The following NPAS2 variants were observed in gnomAD, a reference collection of about 807,000 sequenced individuals.
NPAS2 encodes neuronal PAS domain-containing protein 2.
In NPAS2, 23 loss-of-function variants were observed where a neutral mutation model predicts 107.5. The ratio of observed to expected loss-of-function variants is 0.21; its 90% CI spans 0.15 to 0.30. The LOEUF is 0.30. Ranked by LOEUF, NPAS2 falls within the 10% of genes least tolerant of loss-of-function variation. NPAS2 has a pLI of 1.00. For synonymous variants in NPAS2, 403 were observed against 417.5 expected (o/e 0.97, Z 0.42); for missense variants, 756 against 1,043.3 (o/e 0.72, Z 3.79).
intron 1 of NPAS2, among the ~76,000 whole-genome samples, chr2:100,843,217 CAA>C (rs67274513): frequency 2.1e-5 from 3 of 141,530 alleles, no homozygotes; most frequent in African/African-American, 5.2e-5. Context: ...GACTCTGTCT[CAA>C]AAAAAAAAAA....
At chr2:100,821,733 A>G (rs1676085687) in intron 1 of NPAS2, among the ~76,000 whole-genome samples, 1 of 152,198 alleles carries the variant, frequency 6.6e-6, no homozygotes, top group Admixed American at 6.5e-5. Flanking sequence ...GGCACTGTTC[A>G]CATTCAAGCG....
intron 16 of NPAS2, chr2:100,983,837 C>A (rs1677618044): frequency 6.6e-6 from 1 of 152,194 alleles, no homozygotes; most frequent in Non-Finnish European, 1.5e-5. Flanking sequence ...GACTGGGAGC[C>A]CAATGCTTGC....
intron 1 of NPAS2, among the ~76,000 whole-genome samples, chr2:100,836,676 G>T (rs571997832): frequency 1.3e-5 from 2 of 152,114 alleles, no homozygotes; most frequent in Non-Finnish European, 2.9e-5. Flanking sequence ...TCTTTCTTCC[G>T]TACGCACGGA....
chr2:100,945,523 G>A (rs1225140426), intron 5 of NPAS2, among the ~76,000 whole-genome samples: 1 of 152,166 alleles, frequency 6.6e-6, no homozygotes, highest in East Asian at 1.9e-4. Flanking sequence ...TCTTTAAAAT[G>A]CACGAGCAGT....
intron 10 of NPAS2, among the ~76,000 whole-genome samples, chr2:100,967,659 T>TTCTGC (rs1676303937): frequency 6.6e-6 from 1 of 152,182 alleles, no homozygotes; most frequent in African/African-American, 2.4e-5. Flanking sequence ...TAGTCCATCT[T>TTCTGC]TCTGCCCTGC....
chr2:100,895,932 C>A lies in NPAS2; in HGVS notation c.-22-8801C>A, dbSNP rs139330113. On this transcript the variant is annotated intron_variant, in intron 1 of 20. Transcript: ENST00000335681. ...TCCATTTCTGTTTCACCCCTGGTGA[C>A]CTCCTTACTGTGCAGAGAATGTGTT... 1.2e-4 allele frequency among the ~76,000 whole-genome samples: 18 copies of A among 152,320 alleles called. No homozygotes were observed. In the East Asian group the frequency reaches 2.7e-3, roughly 23 times the overall value.
chr2:100,975,749 A>G (rs1236343963), intron 14 of NPAS2, 182 bp downstream of exon 14: 5 of 509,498 alleles, frequency 9.8e-6, no homozygotes, highest in Non-Finnish European at 1.0e-5. Context: ...AAACATTTGC[A>G]TGACAAAATT....
chr2:100,831,038 G>T (rs1239059317), intron 1 of NPAS2, among the ~76,000 whole-genome samples: 1 of 152,176 alleles, frequency 6.6e-6, no homozygotes, highest in Non-Finnish European at 1.5e-5. Flanking sequence ...AGTGGCTCAT[G>T]CCTGTAATCC....
upstream of NPAS2, among the ~76,000 whole-genome samples, chr2:100,819,759 C>T (rs1675939842): frequency 1.3e-5 from 2 of 151,192 alleles, no homozygotes; most frequent in Non-Finnish European, 2.9e-5. This position sits in a 1 kb window ranked among gnomAD's most constrained non-coding sequence, Gnocchi z 5.8. Context: ...GTCCACTTGC[C>T]TCTCCTCTGG....
At chr2:100,888,402 G>A (rs191828834) in intron 1 of NPAS2, among the ~76,000 whole-genome samples, 1 of 152,126 alleles carries the variant, frequency 6.6e-6, no homozygotes, top group Admixed American at 6.6e-5. Flanking sequence ...AGATGCGCTA[G>A]TAGGGTAGAA....
intron 2 of NPAS2, among the ~76,000 whole-genome samples, chr2:100,905,594 C>G (rs977125342): frequency 3.3e-5 from 5 of 152,094 alleles, no homozygotes; most frequent in South Asian, 2.1e-4. Flanking sequence ...GAGGCCCAGC[C>G]ACGAGCCTTG....
At chr2:100,979,518 T>A (rs1677297900) in intron 15 of NPAS2, among the ~76,000 whole-genome samples, 1 of 132,312 alleles carries the variant, frequency 7.6e-6, no homozygotes, top group African/African-American at 2.9e-5. Flanking sequence ...TTTTTTTTTT[T>A]TTTTTTTTTT....
At position 100,964,939 on chromosome 2, in the gene NPAS2, C is replaced by A; in HGVS notation, c.796C>A (p.His266Asn). Residue 266 changes from histidine to asparagine, a missense_variant, in exon 9 of 21, where the codon CAC becomes AAC. By Grantham distance (68) the His-to-Asn change is moderately conservative (BLOSUM62 1). Around this residue, in one of 4 missense-constraint regions of NPAS2, gnomAD observed 84 missense variants for 175.5 expected, o/e 0.48. Transcript: ENST00000335681. ...GGAATGGAAATTTTTATTTCTGGAT[C>A]ACAGGTTTGAGAAAAGAAAAACATA... ...SLEWKFLFLD[H>N]RAPPIIGYLP... The A allele has an allele frequency of 6.4e-7, 1 of 1,565,700 alleles. No individual in the cohort carries two copies. The highest frequency in any genetic ancestry group is 1.2e-5 in the South Asian group (1 of 82,760).
At chr2:100,944,849 AAAG>A (rs2105022217) in intron 5 of NPAS2, among the ~76,000 whole-genome samples, 1 of 152,264 alleles carries the variant, frequency 6.6e-6, no homozygotes, top group South Asian at 2.1e-4. Flanking sequence ...CTGTATCAGT[AAAG>A]TTCTCTCACA....
chr2:100,878,427 A>C, intron 1 of NPAS2: 1 of 985,464 alleles, frequency 1.0e-6, no homozygotes, highest in South Asian at 4.7e-5. Flanking sequence ...GCGTTGGACA[A>C]GGACATGAGA....
intron 7 of NPAS2, among the ~76,000 whole-genome samples, chr2:100,962,203 CATT>C (rs1160795536): frequency 2.6e-5 from 4 of 151,994 alleles, no homozygotes; most frequent in Non-Finnish European, 5.9e-5. Flanking sequence ...TGTTTGGAAA[CATT>C]AGTATTTATG....
intron 2 of NPAS2, among the ~76,000 whole-genome samples, chr2:100,905,195 A>G (rs754172556): frequency 2.0e-4 from 31 of 152,032 alleles, no homozygotes; most frequent in Non-Finnish European, 4.0e-4. Flanking sequence ...GGATAATAAT[A>G]ATGATCATTG....
chr2:100,846,256 T>C (rs750531852), intron 1 of NPAS2, among the ~76,000 whole-genome samples: 11 of 152,254 alleles, frequency 7.2e-5, no homozygotes, highest in Non-Finnish European at 1.5e-4. Context: ...GAATCTTTTA[T>C]TTTGCTAGAA....
At chr2:100,922,104 CA>C (rs1683261815) in intron 2 of NPAS2, among the ~76,000 whole-genome samples, 2 of 152,108 alleles carry the variant, frequency 1.3e-5, no homozygotes. Context: ...ACCAGCAGAT[CA>C]GTGGTTGGTT....
Sources: allele counts gnomAD v4.1 joint callset (sites outside exome capture counted in the v4.1 genomes callset), GRCh38; gene constraint gnomAD v4.1.1; regional missense constraint gnomAD v4.1.1; non-coding constraint Gnocchi (gnomAD v3.1); transcripts MANE v1.5; gene names NCBI Gene and HGNC (gene_info 2026-07-23, HGNC 2026-07-21).